Variants in FGF13 observed in about 807,000 individuals in gnomAD.
The protein encoded by FGF13 is fibroblast growth factor 13.
Under a neutral mutation model 19.5 loss-of-function variants are expected in FGF13, and 2 were observed. The observed-to-expected ratio is 0.10, with a 90% CI of 0.04 to 0.32. The LOEUF is 0.32. FGF13 is among the 10% of genes least tolerant of loss of function. FGF13 has a pLI of 1.00. For synonymous variants in FGF13, 72 were observed against 76.9 expected (o/e 0.94, Z 0.33); for missense variants, 113 against 192.7 (o/e 0.59, Z 2.45).
rs906196859 is a variant in FGF13 at position 138,775,116 on chromosome X, C to T, written c.218-66188G>A. 1.6e-4 allele frequency among the ~76,000 whole-genome samples: 18 copies of T among 111,863 alleles called. 1 individual carries two copies. The highest frequency in any genetic ancestry group is 1.0e-3 in the Admixed American group (11 of 10,579). ...CTGGGATTTCAGGCATGCGCCATCA[C>T]GCTGGCTTATTTTTGTATTTTTTAT... On this transcript the variant is annotated intron_variant, in intron 3 of 6. Coordinates refer to the FGF13 transcript ENST00000436198.
chrX:138,958,796 A>T lies in FGF13; in HGVS notation c.-112-94146T>A, dbSNP rs772390851. ...TTTATCCATTTCTTCTAGATTTTCTAGTTTATTTGTGTAGAGGTGTTTATA... is the reference window on the plus strand; with the variant it reads ...TTTATCCATTTCTTCTAGATTTTCTTGTTTATTTGTGTAGAGGTGTTTATA... On this transcript the variant is annotated intron_variant, in intron 1 of 2. Transcript: ENST00000421460. Among the ~76,000 whole-genome samples the T allele has an allele frequency of 8.1e-5, 9 of 111,604 alleles. No homozygotes were observed. In the South Asian group the frequency reaches 3.4e-3, roughly 42 times the overall value.
chrX:138,806,685 T>A (rs1169900047), intron 3 of FGF13: 1 of 112,104 alleles, frequency 8.9e-6, no homozygotes, highest in African/African-American at 3.2e-5. Flanking sequence ...CAGGTGCATC[T>A]GGCTGTAGCC....
intron 3 of FGF13, among the ~76,000 whole-genome samples, chrX:138,811,022 T>C (rs1351256998): frequency 8.9e-6 from 1 of 112,302 alleles, no homozygotes; most frequent in Non-Finnish European, 1.9e-5. Context: ...TCAACCATTG[T>C]GGAAGACAGT....
At chrX:138,727,532 G>A (rs1219635684) in intron 1 of FGF13, among the ~76,000 whole-genome samples, 1 of 111,328 alleles carries the variant, frequency 9.0e-6, no homozygotes, top group Non-Finnish European at 1.9e-5. Flanking sequence ...CTTTCTACAC[G>A]ATGAAATACA....
chrX:138,634,029 C>A (rs17510298), intron 4 of FGF13, among the ~76,000 whole-genome samples: 2,103 of 111,559 alleles, frequency 0.019, 55 homozygotes, highest in African/African-American at 0.065. Context: ...TATTTCTTAC[C>A]TCCCTATCTT....
intron 1 of FGF13, among the ~76,000 whole-genome samples, chrX:139,109,890 G>A (rs1217569445): frequency 9.0e-6 from 1 of 111,481 alleles, no homozygotes; most frequent in African/African-American, 3.3e-5. Flanking sequence ...ACCCAGCCTC[G>A]AAGAGGAAAA....
In FGF13 at chrX:138,877,228, G is replaced by GT. The variant is rs766764205; in HGVS notation, c.-112-12579dup. 5.1e-3 allele frequency among the ~76,000 whole-genome samples: 519 copies of GT among 102,445 alleles called. 4 individuals are homozygous for GT. The highest frequency in any genetic ancestry group is 0.015 in the African/African-American group (438 of 28,431). The allele number at this position is 102,445 out of a possible 115,157, so 89.0% of individuals were successfully genotyped here. A position where few individuals can be genotyped will look rare whatever the true frequency, so the allele number is the denominator to read the frequency against. ...ACTGCACGTTCTGCACATGTATTCT[G>GT]TTTTTTTTTTAAGAAGAAATGAAGA... is the stretch of plus-strand genomic sequence containing the variant. On this transcript the variant is annotated intron_variant, in intron 1 of 2. Coordinates refer to the FGF13 transcript ENST00000421460.
chrX:138,970,319 A>G (rs2091910577), intron 1 of FGF13, among the ~76,000 whole-genome samples: 1 of 111,538 alleles, frequency 9.0e-6, no homozygotes, highest in Non-Finnish European at 1.9e-5. Flanking sequence ...GGCGGGCATC[A>G]AGACCTATTT....
At chrX:138,873,011 G>C (rs748429692) in intron 1 of FGF13, among the ~76,000 whole-genome samples, 58 of 110,866 alleles carry the variant, frequency 5.2e-4, no homozygotes, top group Non-Finnish European at 9.6e-4. Context: ...TTCTTAATTT[G>C]TTTGCAACTT....
intron 1 of FGF13, chrX:138,990,626 G>C (rs1039856639): frequency 9.0e-6 from 1 of 110,645 alleles, no homozygotes; most frequent in African/African-American, 3.3e-5. Context: ...TCCTGTTTTC[G>C]AAACCATCAG....
intron 3 of FGF13, among the ~76,000 whole-genome samples, chrX:138,798,721 T>C (rs939264843): frequency 2.7e-5 from 3 of 112,158 alleles, no homozygotes; most frequent in Non-Finnish European, 5.6e-5. Flanking sequence ...GCTAGGCTAA[T>C]AATTACTTCC....
At chrX:138,982,029 A>G (rs1213109002) in intron 1 of FGF13, among the ~76,000 whole-genome samples, 1 of 111,851 alleles carries the variant, frequency 8.9e-6, no homozygotes, top group Non-Finnish European at 1.9e-5. Flanking sequence ...GCATGAGGAT[A>G]GAAGTATAAC....
chrX:138,634,206 GT>G (rs1298010589), intron 4 of FGF13, among the ~76,000 whole-genome samples: 1 of 110,001 alleles, frequency 9.1e-6, no homozygotes, highest in Admixed American at 9.6e-5. Flanking sequence ...TTTTTCTTTT[GT>G]TTTTTGAAAC....
rs984114614 is a variant in FGF13 at position 138,772,039 on chromosome X, T to C, written c.218-63111A>G. ...ATGTGTATATATATATATATATATA[T>C]ATATATATATATATATATAGTAAAA... is the stretch of plus-strand genomic sequence containing the variant. On this transcript the variant is annotated intron_variant, in intron 3 of 6. Coordinates refer to the FGF13 transcript ENST00000436198. 1.4e-3 allele frequency among the ~76,000 whole-genome samples: 116 copies of C among 84,843 alleles called. 1 individual carries two copies. Among genetic ancestry groups the C allele is most frequent in the Middle Eastern group, 6.3e-3 (1 of 159 alleles). 73.7% of individuals were successfully genotyped at this position (84,843 alleles called of 115,157 possible).
intron 1 of FGF13, among the ~76,000 whole-genome samples, chrX:138,977,887 A>G (rs896324657): frequency 1.8e-5 from 2 of 112,516 alleles, no homozygotes; most frequent in Non-Finnish European, 3.7e-5. Context: ...TGTGCTGGCC[A>G]AAATGTTAGC....
Position 138,618,050 on chromosome X carries a change from A to G in FGF13, c.*14800T>C, listed in dbSNP as rs959043539. On this transcript the variant is annotated 3_prime_UTR_variant, in exon 5 of 5. Transcript: ENST00000315930. ...AAAATAATTAAAATATGCATTTTAG[A>G]TATTGGGGTGATGTCAGCAAGATGG... The G allele has an allele frequency of 8.9e-5, 10 of 111,831 alleles. No individual in the cohort carries two copies. Among genetic ancestry groups the G allele is most frequent in the African/African-American group, 3.2e-4 (10 of 30,797 alleles). 9.2% of individuals were successfully genotyped at this position (111,831 alleles called of 1,213,427 possible).
chrX:138,817,389 T>C (rs1269961732), intron 3 of FGF13, among the ~76,000 whole-genome samples: 2 of 112,000 alleles, frequency 1.8e-5, no homozygotes, highest in African/African-American at 6.5e-5. Context: ...CTGAAATTGT[T>C]TGGTTTTAAA....
chrX:139,164,072 T>C (rs1355263986), intron 1 of FGF13, among the ~76,000 whole-genome samples: 2 of 105,358 alleles, frequency 1.9e-5, no homozygotes, highest in Non-Finnish European at 1.9e-5. Context: ...GCTTGCAGGC[T>C]GGAAATTCAG....
chrX:139,047,573 T>C lies in FGF13; in HGVS notation c.-113+155843A>G, dbSNP rs753026752. Among the ~76,000 whole-genome samples the C allele has an allele frequency of 3.6e-5, 4 of 111,721 alleles. No homozygotes were observed. In the East Asian group the frequency reaches 1.1e-3, roughly 31 times the overall value. On this transcript the variant is annotated intron_variant, in intron 1 of 2. Transcript: ENST00000421460. ...CTGTACAATACATCTCCAGAAAATA[T>C]GCTAGCTTTGCCACTTTTGGACTGC... is the stretch of plus-strand genomic sequence containing the variant.
Sources: allele counts gnomAD v4.1 joint callset (sites outside exome capture counted in the v4.1 genomes callset), GRCh38; gene constraint gnomAD v4.1.1; transcripts MANE v1.5; gene names NCBI Gene and HGNC (gene_info 2026-07-23, HGNC 2026-07-21).